Variants in PCDHA5 observed in about 807,000 individuals in gnomAD.
PCDHA5 encodes protocadherin alpha-5.
A neutral mutation model predicts 61.6 loss-of-function variants in PCDHA5; 43 were observed. The observed-to-expected ratio is 0.70, with a 90% CI of 0.55 to 0.90. The LOEUF is 0.90. Ranked by LOEUF, PCDHA5 falls within the 40% of genes least tolerant of loss-of-function variation. The pLI is 0.00. For synonymous variants in PCDHA5, 627 were observed against 543.9 expected (o/e 1.15, Z -2.13); for missense variants, 1,298 against 1,222.7 (o/e 1.06, Z -0.92).
At chr5:140,930,616 G>T (rs2086997332) in intron 1 of PCDHA5, among the ~76,000 whole-genome samples, 2 of 152,154 alleles carry the variant, frequency 1.3e-5, no homozygotes, top group African/African-American at 4.8e-5. Context: ...TGCAAGAGAA[G>T]GAGGTGTGTA....
At chr5:140,935,908 T>TG (rs2090628873) in intron 1 of PCDHA5, among the ~76,000 whole-genome samples, 1 of 151,636 alleles carries the variant, frequency 6.6e-6, no homozygotes, top group Non-Finnish European at 1.5e-5. Context: ...TTTTTTTTTT[T>TG]TTGAGACAGA....
Position 140,841,535 on chromosome 5 carries a change from C to G in PCDHA5, c.2352+17408C>G, listed in dbSNP as rs146057065. ...GTTCCGGGTGGCGTCCAAAAGACAC[C>G]GGGACCTTCTGGAGGTAAGTCTGCA... On this transcript the variant is annotated intron_variant, in intron 1 of 3. Transcript: ENST00000529859. 2.9e-4 allele frequency: 467 copies of G among 1,613,646 alleles called. 2 individuals are homozygous for G. The highest frequency in any genetic ancestry group is 2.5e-4 in the Admixed American group (15 of 60,006).
chr5:140,915,312 C>T (rs781796761), intron 1 of PCDHA5, among the ~76,000 whole-genome samples: 2 of 152,122 alleles, frequency 1.3e-5, no homozygotes, highest in Non-Finnish European at 2.9e-5. Flanking sequence ...TTACATACCA[C>T]AATTACAGTG....
chr5:140,835,745 G>C (rs2150243893), intron 1 of PCDHA5: 2 of 1,613,472 alleles, frequency 1.2e-6, no homozygotes, highest in South Asian at 2.2e-5. Context: ...ACGCCCCGGC[G>C]TTCGCGCAGC....
intron 1 of PCDHA5, chr5:140,928,995 C>T (rs1554206548): frequency 1.2e-6 from 2 of 1,613,798 alleles, no homozygotes; most frequent in Non-Finnish European, 1.7e-6. Flanking sequence ...GCTTACTTTT[C>T]TTCGTGTGTA....
At chr5:140,918,252 C>T (rs931753296) in intron 1 of PCDHA5, among the ~76,000 whole-genome samples, 1 of 152,078 alleles carries the variant, frequency 6.6e-6, no homozygotes, top group East Asian at 1.9e-4. Context: ...TATGCTGAAA[C>T]TTTGCTGGAG....
At chr5:140,915,028 T>C (rs1583932096) in intron 1 of PCDHA5, among the ~76,000 whole-genome samples, 1 of 150,922 alleles carries the variant, frequency 6.6e-6, no homozygotes, top group Non-Finnish European at 1.5e-5. Context: ...TCACTGCAAC[T>C]TCTGCCTCCT....
chr5:140,838,077 AGTGTGTG>A (rs1241834179), intron 1 of PCDHA5, among the ~76,000 whole-genome samples: 11 of 80,662 alleles, frequency 1.4e-4, no homozygotes, highest in African/African-American at 1.8e-4. Context: ...ATATATATAT[AGTGTGTG>A]TGTGTGTGTG....
At chr5:140,946,826 G>A (rs1161316537) in intron 1 of PCDHA5, among the ~76,000 whole-genome samples, 1 of 151,404 alleles carries the variant, frequency 6.6e-6, no homozygotes, top group African/African-American at 2.4e-5. Context: ...TACCAGAGAT[G>A]GGTAGGGCAG....
chr5:140,942,545 G>T (rs981508818), intron 1 of PCDHA5, among the ~76,000 whole-genome samples: 1 of 151,970 alleles, frequency 6.6e-6, no homozygotes, highest in Non-Finnish European at 1.5e-5. Flanking sequence ...ATGGTGGGGG[G>T]TAGGGGGTTG....
At chr5:140,824,207 A>C (rs2150133206) in intron 1 of PCDHA5, 80 bp downstream of exon 1, 34 of 1,587,454 alleles carry the variant, frequency 2.1e-5, no homozygotes, top group Non-Finnish European at 1.8e-5. Context: ...CTTTTTTTGT[A>C]TTTAAAAATT....
chr5:140,849,613 G>C (rs2040993200), intron 1 of PCDHA5: 2 of 1,598,764 alleles, frequency 1.3e-6, no homozygotes, highest in Non-Finnish European at 1.7e-6. Context: ...GCCCTGATTA[G>C]TGTGATCGAC....
chr5:140,916,268 T>C (rs1190209711), intron 1 of PCDHA5, among the ~76,000 whole-genome samples: 3 of 152,206 alleles, frequency 2.0e-5, no homozygotes, highest in Non-Finnish European at 4.4e-5. Flanking sequence ...AAGAGCATGC[T>C]TGTTGCTCTA....
chr5:140,960,727 CA>C (rs2095565377), intron 1 of PCDHA5, among the ~76,000 whole-genome samples: 3 of 30,176 alleles, frequency 9.9e-5, no homozygotes, highest in Non-Finnish European at 1.9e-4. Context: ...TATTTTAGTC[CA>C]TGATTTTAGT....
intron 1 of PCDHA5, among the ~76,000 whole-genome samples, chr5:140,959,609 T>A (rs2095500700): frequency 6.6e-6 from 1 of 152,184 alleles, no homozygotes; most frequent in South Asian, 2.1e-4. Flanking sequence ...ATGCTTTTCT[T>A]GCTTGTGATA....
At chr5:140,872,472 A>T (rs1251918712) in intron 1 of PCDHA5, among the ~76,000 whole-genome samples, 1 of 152,106 alleles carries the variant, frequency 6.6e-6, no homozygotes, top group South Asian at 2.1e-4. Context: ...ATAAAAAATT[A>T]AAAAATTAGC....
At chr5:140,858,790 AT>A in intron 1 of PCDHA5, 1 of 388,116 alleles carries the variant, frequency 2.6e-6, no homozygotes. Context: ...ATGTTATTTC[AT>A]TTCCAATCTA....
At chr5:140,947,524 A>G (rs894259499) in intron 1 of PCDHA5, among the ~76,000 whole-genome samples, 1 of 151,796 alleles carries the variant, frequency 6.6e-6, no homozygotes, top group Admixed American at 6.6e-5. Flanking sequence ...TTTAGAATCA[A>G]CTTTTCAATT....
intron 1 of PCDHA5, among the ~76,000 whole-genome samples, chr5:140,881,901 T>C (rs1455904146): frequency 6.6e-6 from 1 of 152,208 alleles, no homozygotes; most frequent in Non-Finnish European, 1.5e-5. Context: ...TGTCAGCTAA[T>C]ATAAAATGTT....
Sources: allele counts gnomAD v4.1 joint callset (sites outside exome capture counted in the v4.1 genomes callset), GRCh38; gene constraint gnomAD v4.1.1; transcripts MANE v1.5; gene names NCBI Gene and HGNC (gene_info 2026-07-23, HGNC 2026-07-21).